CPVL: variants seen among roughly 807,000 people sequenced by gnomAD.
The protein encoded by CPVL is carboxypeptidase vitellogenic like.
In CPVL, 51 loss-of-function variants were observed where a neutral mutation model predicts 63.7. The ratio of observed to expected loss-of-function variants is 0.80; its 90% CI spans 0.64 to 1.01. The LOEUF is 1.01. Among genes scored for constraint, CPVL ranks in the 50% least tolerant of loss-of-function variants. The pLI is 0.00. For synonymous variants in CPVL, 195 were observed against 206.0 expected, an observed-to-expected ratio of 0.95 and a Z score of 0.46; for missense variants, 530 against 573.1, an observed-to-expected ratio of 0.92 and a Z score of 0.77.
intron 5 of CPVL, among the ~76,000 whole-genome samples, chr7:29,168,455 A>C (rs1019930853): frequency 2.0e-4 from 31 of 152,236 alleles, no homozygotes; most frequent in African/African-American, 7.5e-4. Context: ...CAGCTTCTAT[A>C]ATTATGGACT....
At chr7:29,016,001 G>A (rs1786367528) in intron 12 of CPVL, among the ~76,000 whole-genome samples, 1 of 152,124 alleles carries the variant, frequency 6.6e-6, no homozygotes, top group Non-Finnish European at 1.5e-5. Context: ...GGAATCATCG[G>A]TCGCCATCCT....
At chr7:29,030,497 T>C (rs937835593) in intron 12 of CPVL, 80 bp downstream of exon 12, 1 of 1,365,006 alleles carries the variant, frequency 7.3e-7, no homozygotes, top group Non-Finnish European at 1.0e-6. Context: ...AGGTCGGCCA[T>C]GTCTCATTGC....
intron 4 of CPVL, chr7:29,184,418 C>T (rs1252909829): frequency 2.6e-5 from 4 of 151,970 alleles, no homozygotes; most frequent in African/African-American, 9.7e-5. Flanking sequence ...GCAATTGGCT[C>T]ACTGATTACG....
rs368014170 is a variant in CPVL, at chr7:29,064,175, G to A, written c.1023C>T (p.Ala341=). 4.3e-6 allele frequency: 7 copies of A among 1,613,048 alleles called. No individual in the cohort carries two copies. The highest frequency in any genetic ancestry group is 1.7e-4 in the Middle Eastern group (1 of 6,058). The part of the protein sequence containing the change: ...KFLSLPEVRQ[A]IHVGNQTFND... ...TAAAAGTCTGATTCCCCACGTGGAT[G>A]GCTTGTCTCACCTCTGGGAGTGACA... Residue 341 remains alanine, a synonymous_variant, in exon 11 of 13, where the codon GCC becomes GCT. Transcript: ENST00000265394.
At position 29,104,124 on chromosome 7, in the gene CPVL, C is replaced by A. The variant is rs138672621; in HGVS notation, c.289-7907G>T. Among the ~76,000 whole-genome samples the A allele has an allele frequency of 9.7e-4, 148 of 152,330 alleles. 1 individual carries two copies. Among genetic ancestry groups the A allele is most frequent in the African/African-American group, 3.3e-3 (137 of 41,578 alleles). ...TACACACACACACTCAACACATACA[C>A]ACAAGTTGCTAAAGACATTCATGTT... On this transcript the variant is annotated intron_variant, in intron 3 of 12. Coordinates refer to ENST00000265394, the MANE Select transcript of CPVL (RefSeq NM_031311.5).
At chr7:29,135,540 A>G (rs1262829806) in intron 1 of CPVL, among the ~76,000 whole-genome samples, 3 of 151,898 alleles carry the variant, frequency 2.0e-5, no homozygotes, top group Non-Finnish European at 4.4e-5. Context: ...CACCATGTTG[A>G]TCAGGCTGGT....
At chr7:29,082,955 G>A (rs770188909) in intron 7 of CPVL, among the ~76,000 whole-genome samples, 1 of 152,098 alleles carries the variant, frequency 6.6e-6, no homozygotes, top group Non-Finnish European at 1.5e-5. Context: ...CATTTTCCAG[G>A]GTTGTTGCCA....
chr7:29,194,778 G>C, intron 1 of CPVL: 2 of 501,078 alleles, frequency 4.0e-6, no homozygotes, highest in Non-Finnish European at 6.5e-6. Context: ...GTCATCTGGT[G>C]GAGCAGGAAG....
At chr7:29,067,877 T>A (rs1783293406) in intron 9 of CPVL, among the ~76,000 whole-genome samples, 1 of 152,044 alleles carries the variant, frequency 6.6e-6, no homozygotes, top group African/African-American at 2.4e-5. Flanking sequence ...AGGCCACGAC[T>A]CCTGAGCCTG....
chr7:29,004,298 GTTCC>G (rs1029195041), intron 12 of CPVL, among the ~76,000 whole-genome samples: 3 of 152,084 alleles, frequency 2.0e-5, no homozygotes, highest in African/African-American at 7.2e-5. Context: ...CTTGTGATAC[GTTCC>G]TTCCTTTTAG....
At position 29,180,543 on chromosome 7, in the gene CPVL, C is replaced by CA. The variant is rs10713261; in HGVS notation, c.-11+746dup. The stretch of plus-strand genomic sequence containing the variant: ...AGAGCAACAGAGCAAGACTCCATCT[C>CA]AAAAAAAAAAAAGTCATCTAAATTG... On this transcript the variant is annotated intron_variant, in intron 5 of 16. Transcript: ENST00000409850. Among the ~76,000 whole-genome samples, 663 of 134,900 alleles carry CA rather than the reference C, an allele frequency of 4.9e-3. 4 individuals carry two copies. Among genetic ancestry groups the CA allele is most frequent in the African/African-American group, 0.017 (611 of 36,082 alleles). The allele number at this position is 134,900 out of a possible 152,430, so 88.5% of individuals were successfully genotyped here.
intron 2 of CPVL, among the ~76,000 whole-genome samples, chr7:29,114,021 A>G (rs112047196): frequency 3.3e-5 from 5 of 152,194 alleles, no homozygotes; most frequent in African/African-American, 1.2e-4. Flanking sequence ...GCCATCGACT[A>G]AAGATGCCTT....
intron 12 of CPVL, among the ~76,000 whole-genome samples, chr7:29,008,362 T>C (rs1785424464): frequency 6.6e-6 from 1 of 152,188 alleles, no homozygotes; most frequent in South Asian, 2.1e-4. Flanking sequence ...ACAACCACAG[T>C]TAAACTTGCA....
chr7:29,074,725 G>GCT lies in CPVL; in HGVS notation c.610-2304_610-2303dup, dbSNP rs140532968. Among the ~76,000 whole-genome samples the GCT allele has an allele frequency of 5.4e-3, 785 of 146,680 alleles. 5 individuals carry two copies. The highest frequency in any genetic ancestry group is 0.016 in the African/African-American group (621 of 40,010). On this transcript the variant is annotated intron_variant, in intron 7 of 12. Coordinates refer to ENST00000265394, the MANE Select transcript of CPVL (RefSeq NM_031311.5). ...AAAAGAGCCAGTTTCCCCTGCCCAT[G>GCT]CTCTCTCTCTCTCTCTCTCGTAGTA...
At chr7:29,189,898 G>A (rs555302877) in intron 1 of CPVL, among the ~76,000 whole-genome samples, 2 of 152,126 alleles carry the variant, frequency 1.3e-5, no homozygotes, top group East Asian at 3.9e-4. Context: ...CGCCACTAGG[G>A]GTCCCCAGCA....
At chr7:29,139,641 G>A (rs145326058) in intron 1 of CPVL, among the ~76,000 whole-genome samples, 2 of 152,048 alleles carry the variant, frequency 1.3e-5, no homozygotes, top group Admixed American at 6.6e-5. Flanking sequence ...ATTTTTCTCT[G>A]AAACAGACGT....
In CPVL at chr7:29,054,314, T is replaced by G. The variant is rs1268002236; in HGVS notation, c.1137+9747A>C. Among the ~76,000 whole-genome samples the G allele has an allele frequency of 2.0e-5, 3 of 152,228 alleles. No homozygotes were observed. In the East Asian group the frequency reaches 5.8e-4, roughly 29 times the overall value. On this transcript the variant is annotated intron_variant, in intron 11 of 12. Coordinates refer to ENST00000265394, the MANE Select transcript of CPVL (RefSeq NM_031311.5). ...CCTAAATATATTCTTTAGAAGCTCC[T>G]TTAGTGAAAATCTGTTGATTCTAAA...
At chr7:29,109,762 A>G (rs1400453912) in intron 3 of CPVL, among the ~76,000 whole-genome samples, 1 of 152,162 alleles carries the variant, frequency 6.6e-6, no homozygotes, top group Non-Finnish European at 1.5e-5. Flanking sequence ...GTCTCCTGGG[A>G]TCATCTTAGG....
chr7:29,034,853 GAAAA>G (rs60558791), intron 11 of CPVL, among the ~76,000 whole-genome samples: 2 of 123,980 alleles, frequency 1.6e-5, no homozygotes, highest in Admixed American at 8.2e-5. Flanking sequence ...TTTTATAATG[GAAAA>G]AAAAAAAAAA....
Sources: allele counts gnomAD v4.1 joint callset (sites outside exome capture counted in the v4.1 genomes callset), GRCh38; gene constraint gnomAD v4.1.1; transcripts MANE v1.5; gene names NCBI Gene and HGNC (gene_info 2026-07-23, HGNC 2026-07-21).